Variants in KHDRBS2 observed in about 807,000 individuals in gnomAD.
KHDRBS2 encodes the protein KH RNA binding domain containing, signal transduction associated 2.
KHDRBS2 carries 26 observed loss-of-function variants against 44.3 expected under a neutral mutation model. That is an observed-to-expected ratio of 0.59 (90% CI 0.43 to 0.81). The LOEUF (loss-of-function observed/expected upper bound fraction) is 0.81, where lower values mean the gene tolerates loss of function less well. Among genes scored for constraint, KHDRBS2 ranks in the 40% least tolerant of loss-of-function variants. The pLI is 0.00. For synonymous variants in KHDRBS2, 194 were observed against 151.1 expected (o/e 1.28, Z -2.08); for missense variants, 476 against 433.1 (o/e 1.10, Z -0.88).
At chr6:61,873,864 A>G (rs772101408) in intron 6 of KHDRBS2, among the ~76,000 whole-genome samples, 1 of 152,080 alleles carries the variant, frequency 6.6e-6, no homozygotes, top group Non-Finnish European at 1.5e-5. Context: ...GAGAAAAGCA[A>G]GGTGAGAATT....
chr6:62,196,890 A>G (rs945751339), intron 1 of KHDRBS2, among the ~76,000 whole-genome samples: 4 of 152,076 alleles, frequency 2.6e-5, no homozygotes, highest in East Asian at 3.9e-4. Context: ...GTGTACAGCC[A>G]GAAGAGAACC....
rs1215746898 is a variant in KHDRBS2, at chr6:61,680,047, C to T, written c.*916G>A. 2.0e-5 allele frequency: 3 copies of T among 152,004 alleles called. No individual in the cohort carries two copies. The highest frequency in any genetic ancestry group is 4.4e-5 in the Non-Finnish European group (3 of 67,894). 9.4% of individuals were successfully genotyped at this position (152,004 alleles called of 1,614,324 possible). Reference sequence around the variant, plus strand: ...TGTTTACTAACCATGATTCATGTAACAGTTTAGTTTGTTAACTTTTAAATT... The same window carrying T: ...TGTTTACTAACCATGATTCATGTAATAGTTTAGTTTGTTAACTTTTAAATT... On this transcript the variant is annotated 3_prime_UTR_variant, in exon 9 of 9. Transcript: ENST00000281156.
chr6:62,096,654 CA>C (rs1027196325), intron 2 of KHDRBS2, among the ~76,000 whole-genome samples: 23 of 151,582 alleles, frequency 1.5e-4, no homozygotes, highest in African/African-American at 5.6e-4. Flanking sequence ...TTTATCTTTT[CA>C]AAAAACCGGG....
intron 3 of KHDRBS2, among the ~76,000 whole-genome samples, chr6:62,015,576 C>T (rs913909097): frequency 5.3e-5 from 8 of 152,242 alleles, no homozygotes; most frequent in African/African-American, 1.7e-4. Context: ...TTTTAGCACA[C>T]TGACAATTTC....
At chr6:62,055,882 C>G (rs1480928839) in intron 2 of KHDRBS2, among the ~76,000 whole-genome samples, 4 of 152,148 alleles carry the variant, frequency 2.6e-5, no homozygotes, top group Admixed American at 2.6e-4. Context: ...TGAGTGCTCA[C>G]TCCGTGGATG....
At chr6:61,550,508 A>C in the KHDRBS2 span, among the ~76,000 whole-genome samples, 1 of 152,142 alleles carries the variant, frequency 6.6e-6, no homozygotes. Context: ...ATATGAGTGC[A>C]TGTGTCTTTA....
At chr6:62,210,983 C>T (rs1388765720) in intron 1 of KHDRBS2, among the ~76,000 whole-genome samples, 3 of 152,018 alleles carry the variant, frequency 2.0e-5, no homozygotes, top group Non-Finnish European at 4.4e-5. Flanking sequence ...TCAAACCCAA[C>T]CTAAATTCTT....
At chr6:62,169,158 C>T (rs551893408) in intron 2 of KHDRBS2, among the ~76,000 whole-genome samples, 2 of 79,968 alleles carry the variant, frequency 2.5e-5, no homozygotes, top group Admixed American at 2.3e-4. Flanking sequence ...TGTATATATA[C>T]GTACACATAT....
intron 2 of KHDRBS2, among the ~76,000 whole-genome samples, chr6:62,078,542 C>G (rs1429499913): frequency 6.6e-6 from 1 of 151,776 alleles, no homozygotes; most frequent in African/African-American, 2.4e-5. Flanking sequence ...GATTACTTGA[C>G]TTCTAAGAGA....
chr6:61,732,788 C>A (rs1255614622), intron 6 of KHDRBS2, 24 bp from the exon 7 acceptor site: 1 of 1,207,758 alleles, frequency 8.3e-7, no homozygotes, highest in African/African-American at 1.5e-5. Context: ...ATGGTAGAAA[C>A]ACCTGTTAGT....
At chr6:61,772,845 G>A (rs1480380976) in intron 6 of KHDRBS2, among the ~76,000 whole-genome samples, 2 of 151,900 alleles carry the variant, frequency 1.3e-5, no homozygotes, top group East Asian at 1.9e-4. Flanking sequence ...CTGTGTCCAT[G>A]TCTTCTAATT....
chr6:61,984,708 A>C (rs1439274480), intron 3 of KHDRBS2, among the ~76,000 whole-genome samples: 1 of 152,196 alleles, frequency 6.6e-6, no homozygotes, highest in African/African-American at 2.4e-5. Flanking sequence ...TGAACTACTC[A>C]GTACTGAGCA....
intron 2 of KHDRBS2, among the ~76,000 whole-genome samples, chr6:62,113,464 T>C (rs904395405): frequency 1.3e-5 from 2 of 152,150 alleles, no homozygotes; most frequent in Non-Finnish European, 2.9e-5. Context: ...GCTTAATATA[T>C]GAGGTACAGA....
chr6:61,936,551 A>G (rs1279767604), intron 4 of KHDRBS2, among the ~76,000 whole-genome samples: 2 of 151,536 alleles, frequency 1.3e-5, no homozygotes, highest in Non-Finnish European at 3.0e-5. Context: ...TGTTTTCTCA[A>G]TTTGGGACTC....
chr6:61,856,651 A>G (rs1201802087), intron 6 of KHDRBS2, among the ~76,000 whole-genome samples: 1 of 151,944 alleles, frequency 6.6e-6, no homozygotes, highest in Non-Finnish European at 1.5e-5. Flanking sequence ...AAGAAGATTT[A>G]GAAAGTAGAT....
intron 3 of KHDRBS2, among the ~76,000 whole-genome samples, chr6:61,992,311 T>A (rs1414765997): frequency 2.0e-5 from 3 of 152,160 alleles, no homozygotes; most frequent in African/African-American, 7.2e-5. Flanking sequence ...GAACACCATT[T>A]TTCAATCATA....
At chr6:62,124,529 T>C (rs58329489) in intron 2 of KHDRBS2, among the ~76,000 whole-genome samples, 1,563 of 151,696 alleles carry the variant, frequency 0.01, 30 homozygotes, top group African/African-American at 0.035. Flanking sequence ...CTTAATTCAA[T>C]AGGAACTTGC....
At chr6:61,705,584 T>C (rs1769389699) in intron 7 of KHDRBS2, among the ~76,000 whole-genome samples, 1 of 151,846 alleles carries the variant, frequency 6.6e-6, no homozygotes. Context: ...GCATCCAAAA[T>C]AGTCACTCTC....
chr6:61,909,249 G>A (rs920183212), intron 4 of KHDRBS2, among the ~76,000 whole-genome samples: 5 of 151,194 alleles, frequency 3.3e-5, no homozygotes, highest in African/African-American at 7.3e-5. Flanking sequence ...TTGTATTTTT[G>A]GTACAGACAG....
Sources: allele counts gnomAD v4.1 joint callset (sites outside exome capture counted in the v4.1 genomes callset), GRCh38; gene constraint gnomAD v4.1.1; transcripts MANE v1.5; gene names NCBI Gene and HGNC (gene_info 2026-07-23, HGNC 2026-07-21).